PCDH7: variants seen among roughly 807,000 people sequenced by gnomAD.
PCDH7 encodes protocadherin 7.
Under a neutral mutation model 58.9 loss-of-function variants are expected in PCDH7, and 17 were observed. The ratio of observed to expected loss-of-function variants is 0.29; its 90% confidence interval spans 0.20 to 0.43. The LOEUF is 0.43. PCDH7 is among the 20% of genes least tolerant of loss of function. PCDH7 has a pLI of 1.00. For missense variants in PCDH7, 1,274 were observed against 1,441.0 expected, an observed-to-expected ratio of 0.88 and a Z score of 1.88; for synonymous variants, 664 against 616.4, an observed-to-expected ratio of 1.08 and a Z score of -1.14.
At position 30,752,643 on chromosome 4, in the gene PCDH7, T is replaced by TG. The variant is rs1191104940; in HGVS notation, c.70+28047_70+28048insG. Among the ~76,000 whole-genome samples, 7 of 151,400 alleles carry TG rather than the reference T, an allele frequency of 4.6e-5. No homozygotes were observed. The East Asian group carries it at 9.7e-4, about 21-fold the overall frequency. ...GATATGGACTCTTACTTTTTTTTTT[T>TG]TTTGCAAACTTTATAAATTGTTTTC... On this transcript the variant is annotated intron_variant, in intron 1 of 3. Transcript: ENST00000509759.
rs1057243407 is a variant in PCDH7 at position 31,102,752 on chromosome 4, G to A, written c.*8-39721G>A. On this transcript the variant is annotated intron_variant, in intron 3 of 3. Transcript: ENST00000509759. Reference sequence around the variant, plus strand: ...GTCAAGTATCATGTACAAAATACATGTATCTGTATCTGTACACATAATTTG... The same window carrying A: ...GTCAAGTATCATGTACAAAATACATATATCTGTATCTGTACACATAATTTG... Among the ~76,000 whole-genome samples, 3 of 151,862 alleles carry A rather than the reference G, an allele frequency of 2.0e-5. No individual in the cohort carries two copies. In the East Asian group the frequency reaches 5.8e-4, roughly 29 times the overall value.
At chr4:30,755,749 T>C (rs982543351) in intron 1 of PCDH7, among the ~76,000 whole-genome samples, 3 of 152,092 alleles carry the variant, frequency 2.0e-5, no homozygotes, top group African/African-American at 7.2e-5. Context: ...GGAACTGTTA[T>C]CTCCTTGGCT....
At chr4:31,056,828 C>T (rs1017907248) in intron 3 of PCDH7, among the ~76,000 whole-genome samples, 1 of 152,186 alleles carries the variant, frequency 6.6e-6, no homozygotes, top group South Asian at 2.1e-4. Context: ...GATCCTCCCT[C>T]TTTGGTCTCC....
Position 30,750,707 on chromosome 4 carries a change from C to A in PCDH7, c.70+26111C>A, listed in dbSNP as rs114578984. ...GTGCATTCATTAACTTACCAAGTTA[C>A]TGAGAACATGCTGCATTCTAGGTAC... On this transcript the variant is annotated intron_variant, in intron 1 of 3. Coordinates refer to the PCDH7 transcript ENST00000509759. 4.7e-3 allele frequency among the ~76,000 whole-genome samples: 717 copies of A among 152,174 alleles called. 6 individuals carry two copies. Among genetic ancestry groups the A allele is most frequent in the African/African-American group, 0.016 (676 of 41,514 alleles).
At chr4:30,947,101 T>C (rs1746786739) in intron 2 of PCDH7, among the ~76,000 whole-genome samples, 1 of 152,164 alleles carries the variant, frequency 6.6e-6, no homozygotes, top group East Asian at 1.9e-4. Flanking sequence ...ACATGGTCTC[T>C]GGGCTTATTT....
chr4:30,867,515 C>T (rs1578104574), intron 1 of PCDH7, among the ~76,000 whole-genome samples: 1 of 152,032 alleles, frequency 6.6e-6, no homozygotes, highest in South Asian at 2.1e-4. Flanking sequence ...CTTTTGCATT[C>T]CTAACCATCA....
intron 3 of PCDH7, among the ~76,000 whole-genome samples, chr4:30,952,209 T>C (rs936181165): frequency 6.6e-6 from 1 of 152,006 alleles, no homozygotes; most frequent in African/African-American, 2.4e-5. Flanking sequence ...GAAAAGGAAA[T>C]TGGTAATTCA....
At position 30,968,340 on chromosome 4, in the gene PCDH7, C is replaced by CACACACTATA. The variant is rs1560541376; in HGVS notation, c.*7+18125_*7+18126insACACACTATA. On this transcript the variant is annotated intron_variant, in intron 3 of 3. Transcript: ENST00000509759. ...TACACTATATATATATATACACACACTATATATATATACACACACTATATA... is the reference window on the plus strand; with the variant it reads ...TACACTATATATATATATACACACACACACACTATATATATATATATACACACACTATATA... Among the ~76,000 whole-genome samples the CACACACTATA allele has an allele frequency of 2.5e-3, 205 of 83,452 alleles. 4 individuals carry two copies. Among genetic ancestry groups the CACACACTATA allele is most frequent in the African/African-American group, 0.012 (196 of 16,586 alleles). The allele number at this position is 83,452 out of a possible 152,430, so 54.7% of individuals were successfully genotyped here.
At chr4:30,857,530 G>A (rs936470166) in intron 1 of PCDH7, among the ~76,000 whole-genome samples, 1 of 152,070 alleles carries the variant, frequency 6.6e-6, no homozygotes, top group African/African-American at 2.4e-5. Flanking sequence ...AGTAAAGCTC[G>A]TCTGGGTTGT....
intron 1 of PCDH7, among the ~76,000 whole-genome samples, chr4:30,869,333 G>A (rs1028217125): frequency 4.6e-5 from 7 of 151,968 alleles, no homozygotes; most frequent in African/African-American, 1.7e-4. Context: ...TGGGCAGCAC[G>A]TGCAGGTTTG....
intron 3 of PCDH7, among the ~76,000 whole-genome samples, chr4:30,992,241 G>C (rs1163999929): frequency 6.6e-6 from 1 of 152,154 alleles, no homozygotes; most frequent in Admixed American, 6.5e-5. Flanking sequence ...TTGCATAACG[G>C]TCATATGATG....
At chr4:30,950,246 GC>G (rs1206680645) in intron 3 of PCDH7, 1 of 152,540 alleles carries the variant, frequency 6.6e-6, no homozygotes. Context: ...CAGTGTAGCT[GC>G]CCCTCTTCTG....
intron 3 of PCDH7, among the ~76,000 whole-genome samples, chr4:31,089,999 T>C (rs1226986620): frequency 6.6e-6 from 1 of 152,094 alleles, no homozygotes; most frequent in East Asian, 1.9e-4. Context: ...AAAGATGTGA[T>C]TAAGAAACAC....
chr4:31,085,853 CT>C (rs10650645), intron 3 of PCDH7, among the ~76,000 whole-genome samples: 6,353 of 138,812 alleles, frequency 0.046, 356 homozygotes, highest in East Asian at 0.33. Flanking sequence ...CTCTCTCTCT[CT>C]TTTTTTTTTT....
At chr4:30,996,640 CT>C (rs1751923253) in intron 3 of PCDH7, among the ~76,000 whole-genome samples, 1 of 152,138 alleles carries the variant, frequency 6.6e-6, no homozygotes, top group Non-Finnish European at 1.5e-5. Flanking sequence ...TCACTAACAT[CT>C]TTTTACCCTG....
intron 1 of PCDH7, among the ~76,000 whole-genome samples, chr4:30,767,763 A>G (rs1052162429): frequency 1.3e-5 from 2 of 152,220 alleles, no homozygotes; most frequent in Admixed American, 1.3e-4. Context: ...TGTAGTGCCT[A>G]CCTTGCAATT....
At chr4:31,076,085 G>A (rs1758966791) in intron 3 of PCDH7, among the ~76,000 whole-genome samples, 2 of 152,150 alleles carry the variant, frequency 1.3e-5, no homozygotes, top group African/African-American at 4.8e-5. Flanking sequence ...ATTCTAGTGA[G>A]ACAGTTATTT....
exon 4 of PCDH7, chr4:31,142,662 C>T (rs374090310): frequency 7.3e-7 from 1 of 1,367,704 alleles, no homozygotes; most frequent in Non-Finnish European, 9.8e-7. Context: ...AATGGGGAGG[C>T]CGCCATCATG....
chr4:30,922,800 A>C (rs1032326111), intron 2 of PCDH7, among the ~76,000 whole-genome samples: 3 of 152,098 alleles, frequency 2.0e-5, no homozygotes, highest in Non-Finnish European at 4.4e-5. Flanking sequence ...GCCTTGATCT[A>C]TAGGTAATGA....
Sources: allele counts gnomAD v4.1 joint callset (sites outside exome capture counted in the v4.1 genomes callset), GRCh38; gene constraint gnomAD v4.1.1; transcripts MANE v1.5; gene names NCBI Gene and HGNC (gene_info 2026-07-23, HGNC 2026-07-21).